The following COL13A1 variants were observed in gnomAD, a reference collection of about 807,000 sequenced individuals.
The protein encoded by COL13A1 is collagen alpha-1(XIII) chain.
Under a neutral mutation model 130.9 loss-of-function variants are expected in COL13A1, and 89 were observed. That is an observed-to-expected ratio of 0.68 (90% confidence interval 0.57 to 0.81). The LOEUF (loss-of-function observed/expected upper bound fraction) is 0.81. Ranked by LOEUF, COL13A1 falls within the 30% of genes least tolerant of loss-of-function variation. The probability of loss-of-function intolerance (pLI) is 0.00; values close to 1 mark genes in which losing one functional copy is unlikely to be tolerated. For synonymous variants in COL13A1, 402 were observed against 341.6 expected (o/e 1.18, Z -1.95); for missense variants, 879 against 934.6 (o/e 0.94, Z 0.78).
intron 3 of COL13A1, among the ~76,000 whole-genome samples, chr10:69,871,370 G>T: frequency 6.6e-6 from 1 of 152,110 alleles, no homozygotes; most frequent in Non-Finnish European, 1.5e-5. Flanking sequence ...AATGAAACAG[G>T]AAAGTCCCTA....
intron 2 of COL13A1, among the ~76,000 whole-genome samples, chr10:69,867,246 C>G (rs2058614806): frequency 6.6e-6 from 1 of 152,178 alleles, no homozygotes; most frequent in Non-Finnish European, 1.5e-5. Flanking sequence ...GTGGCAGACC[C>G]TGGAGGGGTG....
At chr10:69,870,918 G>A (rs1340894299) in intron 3 of COL13A1, among the ~76,000 whole-genome samples, 2 of 152,122 alleles carry the variant, frequency 1.3e-5, no homozygotes, top group African/African-American at 2.4e-5. Flanking sequence ...GCGAAGCACA[G>A]TTTTTCCTGA....
At chr10:69,958,558 A>T in intron 40 of COL13A1, 141 bp from the exon 41 acceptor site, 2 of 1,303,138 alleles carry the variant, frequency 1.5e-6, no homozygotes, top group Non-Finnish European at 2.1e-6. Context: ...TCTTTCACCT[A>T]GGGGCTCAGG....
intron 17 of COL13A1, among the ~76,000 whole-genome samples, chr10:69,909,016 G>A (rs1308638213): frequency 1.3e-5 from 2 of 152,160 alleles, no homozygotes; most frequent in African/African-American, 2.4e-5. Flanking sequence ...TCTGGGATGT[G>A]TTTAGAGAAG....
At chr10:69,847,555 T>C (rs1214009634) in intron 2 of COL13A1, among the ~76,000 whole-genome samples, 3 of 152,238 alleles carry the variant, frequency 2.0e-5, no homozygotes, top group African/African-American at 7.2e-5. Context: ...TCCAGGCTTA[T>C]GACACAGGTG....
chr10:69,829,934 C>T (rs1198107505), intron 2 of COL13A1, among the ~76,000 whole-genome samples: 1 of 152,242 alleles, frequency 6.6e-6, no homozygotes, highest in Non-Finnish European at 1.5e-5. Context: ...AGATCCCCAG[C>T]CCTCCTGGAC....
At chr10:69,887,704 C>T (rs772412133) in intron 8 of COL13A1, among the ~76,000 whole-genome samples, 7 of 152,300 alleles carry the variant, frequency 4.6e-5, no homozygotes, top group Admixed American at 3.3e-4. Flanking sequence ...GGAGCAAATA[C>T]ACAAATTAAG....
chr10:69,945,320 G>A lies in COL13A1; in HGVS notation c.1969-351G>A, dbSNP rs559177310. ...CTGAGAGGTGACCCTTGAGGCTCTG[G>A]AGAAGAAAGCAAAGCTCTCTTTCTC... On this transcript the variant is annotated intron_variant, in intron 36 of 40. Coordinates refer to ENST00000645393, the MANE Select transcript of COL13A1 (RefSeq NM_001368882.1). 6.7e-4 allele frequency among the ~76,000 whole-genome samples: 102 copies of A among 152,348 alleles called. No individual in the cohort carries two copies. The South Asian group carries it at 7.0e-3, about 11-fold the overall frequency.
At position 69,918,291 on chromosome 10, in the gene COL13A1, C is replaced by A. The variant is rs368270452; in HGVS notation, c.973C>A (p.Pro325Thr). 3.0e-5 allele frequency: 48 copies of A among 1,612,756 alleles called. No individual in the cohort carries two copies. The African/African-American group carries it at 5.6e-4, about 19-fold the overall frequency. Reference sequence around the variant, plus strand: ...TTTTTTCTCTCTCTGCCAGGGGGCGCCCGGAATTGCCGTGGCTGGGATGAA... The same window carrying A: ...TTTTTTCTCTCTCTGCCAGGGGGCGACCGGAATTGCCGTGGCTGGGATGAA... Reference protein sequence around the residue: ...MPGKHGAKGAPGIAVAGMKGE... With the variant: ...MPGKHGAKGATGIAVAGMKGE... Residue 325 changes from proline to threonine, a missense_variant, in exon 19 of 41, where the codon CCC becomes ACC. By Grantham distance (38) the Pro-to-Thr change is conservative (BLOSUM62 -1). This residue lies in a region of COL13A1 where 715 missense variants were observed against 721.0 expected (regional missense o/e 0.99). Transcript: ENST00000645393.
rs545119014 is a variant in COL13A1 at position 69,894,715 on chromosome 10, A to C, written c.657+14A>C. 9.0e-5 allele frequency: 145 copies of C among 1,613,764 alleles called. No homozygotes were observed. Among genetic ancestry groups the C allele is most frequent in the Non-Finnish European group, 1.2e-4 (138 of 1,179,858 alleles). On this transcript the variant is annotated intron_variant, in intron 12 of 40. Coordinates refer to ENST00000645393, the MANE Select transcript of COL13A1 (RefSeq NM_001368882.1). ...AAAGGAGAAAAGGTAAGAGCAGTGGAGGTTTCCTAGAGTCTCCATCTCAGG... is the reference window on the plus strand; with the variant it reads ...AAAGGAGAAAAGGTAAGAGCAGTGGCGGTTTCCTAGAGTCTCCATCTCAGG...
At chr10:69,898,069 T>C (rs2134966766) in intron 13 of COL13A1, among the ~76,000 whole-genome samples, 1 of 152,290 alleles carries the variant, frequency 6.6e-6, no homozygotes, top group African/African-American at 2.4e-5. Flanking sequence ...CACGCTGGCC[T>C]CACCCTCAGC....
intron 35 of COL13A1, 136 bp downstream of exon 35, chr10:69,941,159 C>CT: frequency 6.9e-7 from 1 of 1,443,252 alleles, no homozygotes; most frequent in Non-Finnish European, 9.6e-7. Flanking sequence ...AGAAAGGTGC[C>CT]ACTGATGCTC....
chr10:69,881,741 G>A (rs967781060), intron 7 of COL13A1, among the ~76,000 whole-genome samples: 1 of 152,208 alleles, frequency 6.6e-6, no homozygotes, highest in Non-Finnish European at 1.5e-5. Flanking sequence ...CACTTCCTCT[G>A]TGGTGGTCTT....
At chr10:69,834,287 G>C (rs1178317626) in intron 2 of COL13A1, among the ~76,000 whole-genome samples, 1 of 152,182 alleles carries the variant, frequency 6.6e-6, no homozygotes, top group African/African-American at 2.4e-5. Context: ...TTCTTAACAG[G>C]TCACAGTCCA....
chr10:69,895,322 TC>T (rs1369589418), intron 12 of COL13A1, among the ~76,000 whole-genome samples: 1 of 152,154 alleles, frequency 6.6e-6, no homozygotes, highest in Non-Finnish European at 1.5e-5. Flanking sequence ...ACCCCTAGGC[TC>T]CCTGGGGCCA....
chr10:69,832,262 A>G (rs1848997647), intron 2 of COL13A1, among the ~76,000 whole-genome samples: 1 of 152,250 alleles, frequency 6.6e-6, no homozygotes, highest in Non-Finnish European at 1.5e-5. Flanking sequence ...AGGCACTGCA[A>G]GAGATGGGTG....
rs117048976 is a variant in COL13A1, at chr10:69,928,520, A to G, written c.1423-417A>G. Among the ~76,000 whole-genome samples the G allele has an allele frequency of 9.8e-3, 1,488 of 152,276 alleles. 15 individuals carry two copies. The highest frequency in any genetic ancestry group is 0.016 in the Non-Finnish European group (1,075 of 68,026). ...TTTGAGATGCACCCTTGTCATCAGC[A>G]CTTGGTTCTTTTTCCCTGCTGAGTA... On this transcript the variant is annotated intron_variant, in intron 27 of 40. Transcript: ENST00000645393.
At chr10:69,871,289 A>G (rs2059040390) in intron 3 of COL13A1, among the ~76,000 whole-genome samples, 1 of 152,138 alleles carries the variant, frequency 6.6e-6, no homozygotes, top group Admixed American at 6.5e-5. Flanking sequence ...AGGCAGATTC[A>G]TTCATTCGTA....
chr10:69,815,795 G>A (rs2763367), intron 1 of COL13A1, among the ~76,000 whole-genome samples: 91,956 of 151,890 alleles, frequency 0.61, 28,107 homozygotes, highest in South Asian at 0.68. Flanking sequence ...TGTTTTAGGC[G>A]CAGTGAATAG....
Sources: allele counts gnomAD v4.1 joint callset (sites outside exome capture counted in the v4.1 genomes callset), GRCh38; gene constraint gnomAD v4.1.1; regional missense constraint gnomAD v4.1.1; transcripts MANE v1.5; gene names NCBI Gene and HGNC (gene_info 2026-07-23, HGNC 2026-07-21).